The following PIK3CG variants were observed in gnomAD, a reference collection of about 807,000 sequenced individuals.
PIK3CG encodes the protein phosphatidylinositol-4,5-bisphosphate 3-kinase catalytic subunit gamma, also known as phosphatidylinositol 4,5-bisphosphate 3-kinase catalytic subunit gamma isoform.
A neutral mutation model predicts 102.3 loss-of-function variants in PIK3CG; 55 were observed. The observed-to-expected ratio is 0.54, with a 90% CI of 0.43 to 0.67. The LOEUF (loss-of-function observed/expected upper bound fraction) is 0.67. Among genes scored for constraint, PIK3CG ranks in the 30% least tolerant of loss-of-function variants. The pLI is 0.00. For missense variants in PIK3CG, 1,258 were observed against 1,391.8 expected, an observed-to-expected ratio of 0.90 and a Z score of 1.53; for synonymous variants, 552 against 540.0, an observed-to-expected ratio of 1.02 and a Z score of -0.31.
chr7:106,896,406 C>CT (rs1791409541), intron 10 of PIK3CG, among the ~76,000 whole-genome samples: 1 of 152,180 alleles, frequency 6.6e-6, no homozygotes, highest in Non-Finnish European at 1.5e-5. Flanking sequence ...AGAATGTACT[C>CT]TAATTCAAAA....
Position 106,884,653 on chromosome 7 carries a change from G to C in PIK3CG, c.2872+387G>C, listed in dbSNP as rs904406862. Among the ~76,000 whole-genome samples, 1 of 152,176 alleles carries C rather than the reference G, an allele frequency of 6.6e-6. No homozygotes were observed. Among genetic ancestry groups the C allele is most frequent in the Non-Finnish European group, 1.5e-5 (1 of 68,034 alleles). ...ACACCTTTTCCACGGACAGGGGTGG[G>C]GGAGCAAGGATGGTTTCAGGATCAT... On this transcript the variant is annotated intron_variant, in intron 9 of 10. Coordinates refer to ENST00000496166, the MANE Select transcript of PIK3CG (RefSeq NM_001282426.2). The surrounding 1 kb of genome is among the most constrained non-coding windows in gnomAD (Gnocchi z 4.2).
chr7:106,904,837 T>G (rs1791647182), intron 10 of PIK3CG, among the ~76,000 whole-genome samples: 1 of 152,158 alleles, frequency 6.6e-6, no homozygotes, highest in Non-Finnish European at 1.5e-5. Context: ...GGAAAGAAAC[T>G]GAATTAAAAA....
chr7:106,894,590 C>A lies in PIK3CG; in HGVS notation c.3030+8298C>A, dbSNP rs912408339. Among the ~76,000 whole-genome samples, 6 of 152,106 alleles carry A rather than the reference C, an allele frequency of 3.9e-5. No individual in the cohort carries two copies. The highest frequency in any genetic ancestry group is 7.2e-5 in the African/African-American group (3 of 41,424). On this transcript the variant is annotated intron_variant, in intron 10 of 10. Coordinates refer to ENST00000496166, the MANE Select transcript of PIK3CG (RefSeq NM_001282426.2). This position sits in a 1 kb window ranked among gnomAD's most constrained non-coding sequence, Gnocchi z 4.4. ...AAAATAATTCCTAAAGACTGGCTAG[C>A]CAATGCATTGATTTTTATTAAAAAA...
intron 10 of PIK3CG, among the ~76,000 whole-genome samples, chr7:106,896,245 G>T (rs1791404762): frequency 6.6e-6 from 1 of 152,300 alleles, no homozygotes; most frequent in Admixed American, 6.5e-5. Flanking sequence ...CTGAGCACCA[G>T]TGGATTGGTG....
At position 106,872,503 on chromosome 7, in the gene PIK3CG, C is replaced by G. The variant is rs2116481090; in HGVS notation, c.1996-34C>G. 6.5e-7 allele frequency: 1 copy of G among 1,541,376 alleles called. No homozygotes were observed. Among genetic ancestry groups the G allele is most frequent in the Non-Finnish European group, 9.0e-7 (1 of 1,113,488 alleles). On this transcript the variant is annotated intron_variant, in intron 2 of 10. Coordinates refer to ENST00000496166, the MANE Select transcript of PIK3CG (RefSeq NM_001282426.2). This position sits in a 1 kb window ranked among gnomAD's most constrained non-coding sequence, Gnocchi z 5.3. ...TTCCCTGATTCAACGACATAGAGTA[C>G]AGTCCTACAAATGCCAATGTGTTCT...
At position 106,872,065 on chromosome 7, in the gene PIK3CG, G is replaced by C. The variant is rs528549059; in HGVS notation, c.1996-472G>C. ...GAGATGCCGAAAAGGGAAGCTATAG[G>C]GCTTTTAGGATCTTTCCATCTAACA... On this transcript the variant is annotated intron_variant, in intron 2 of 10. Transcript: ENST00000496166. The surrounding 1 kb of genome is among the most constrained non-coding windows in gnomAD (Gnocchi z 5.3). Among the ~76,000 whole-genome samples, 2 of 152,210 alleles carry C rather than the reference G, an allele frequency of 1.3e-5. No homozygotes were observed. The highest frequency in any genetic ancestry group is 4.8e-5 in the African/African-American group (2 of 41,504).
chr7:106,865,945 T>A (rs1790265512), intron 1 of PIK3CG, among the ~76,000 whole-genome samples: 1 of 152,246 alleles, frequency 6.6e-6, no homozygotes, highest in Admixed American at 6.5e-5. Context: ...TTAGTTATTC[T>A]ATAATGTAGC....
chr7:106,906,387 G>GA lies in PIK3CG; in HGVS notation c.*1004dup, dbSNP rs1371576747. 4.4e-6 allele frequency: 1 copy of GA among 229,284 alleles called. No individual in the cohort carries two copies. The highest frequency in any genetic ancestry group is 8.6e-6 in the Non-Finnish European group (1 of 115,894). 14.2% of individuals were successfully genotyped at this position (229,284 alleles called of 1,614,324 possible). A position where few individuals can be genotyped will look rare whatever the true frequency, so the allele number is the denominator to read the frequency against. ...GTATCTTATTAAAGGAGGCATTCTA[G>GA]AAAATATGAATTAGTTTCCAAATGC... On this transcript the variant is annotated 3_prime_UTR_variant, in exon 11 of 11. Transcript: ENST00000496166.
rs763784435 is a variant in PIK3CG at position 106,867,796 on chromosome 7, C to G, written c.235C>G (p.Leu79Val). ...QMKAQVWLRA[L>V]ETSVAADFYH... ...GAAGGCCCAGGTGTGGCTGCGAGCG[C>G]TGGAGACCAGCGTGGCGGCGGACTT... The change falls in exon 2 of 11, where the codon CTG (leucine) becomes GTG (valine). Residue 79 changes from leucine to valine, a missense_variant. Physicochemically the swap from Leu to Val is conservative, Grantham distance 32 (BLOSUM62 1). Around this residue, in one of 2 missense-constraint regions of PIK3CG, gnomAD observed 832 missense variants for 787.5 expected, o/e 1.06. Coordinates refer to ENST00000496166, the MANE Select transcript of PIK3CG (RefSeq NM_001282426.2). The surrounding 1 kb of genome is among the most constrained non-coding windows in gnomAD (Gnocchi z 5.1). 6.2e-7 allele frequency: 1 copy of G among 1,612,698 alleles called. No individual in the cohort carries two copies. The highest frequency in any genetic ancestry group is 8.5e-7 in the Non-Finnish European group (1 of 1,179,938).
At position 106,906,802 on chromosome 7, in the gene PIK3CG, GTTTGAC is replaced by G. The variant is rs1194715991; in HGVS notation, c.*1421_*1426del. On this transcript the variant is annotated 3_prime_UTR_variant, in exon 11 of 11. Transcript: ENST00000496166. ...TTTTTAATTTTAAAAATAGATACCT[GTTTGAC>G]TTTGAGGTAGTCCAGACCTTTTCTT... 2.0e-5 allele frequency: 4 copies of G among 198,494 alleles called. No homozygotes were observed. The highest frequency in any genetic ancestry group is 9.9e-5 in the African/African-American group (4 of 40,472). The allele number at this position is 198,494 out of a possible 1,614,324, so 12.3% of individuals were successfully genotyped here.
In PIK3CG at chr7:106,874,871, C is replaced by T. The variant is rs77939967; in HGVS notation, c.2391+68C>T. ...AAGATGTCTAACGTGCTTGCTGGGGCCCAGTACTTAAAAGCTAATGTTTAT... is the reference window on the plus strand; with the variant it reads ...AAGATGTCTAACGTGCTTGCTGGGGTCCAGTACTTAAAAGCTAATGTTTAT... On this transcript the variant is annotated intron_variant, in intron 5 of 10. Transcript: ENST00000496166. This position sits in a 1 kb window ranked among gnomAD's most constrained non-coding sequence, Gnocchi z 4.3. The T allele has an allele frequency of 1.9e-4, 193 of 1,005,106 alleles. No individual in the cohort carries two copies. The African/African-American group carries it at 2.8e-3, about 15-fold the overall frequency. 62.3% of individuals were successfully genotyped at this position (1,005,106 alleles called of 1,614,324 possible). A position where few individuals can be genotyped will look rare whatever the true frequency, so the allele number is the denominator to read the frequency against.
Position 106,905,627 on chromosome 7 carries a change from A to T in PIK3CG, c.*240A>T, listed in dbSNP as rs1791666513. On this transcript the variant is annotated 3_prime_UTR_variant, in exon 11 of 11. Transcript: ENST00000496166. The surrounding 1 kb of genome is among the most constrained non-coding windows in gnomAD (Gnocchi z 5.6). ...TGGTTTTTTCTCATTTGTCTGTGGC[A>T]TTGGAGAATATTCTCGGTTTAAACA... 1.4e-5 allele frequency: 7 copies of T among 515,542 alleles called. No individual in the cohort carries two copies. 31.9% of individuals were successfully genotyped at this position (515,542 alleles called of 1,614,324 possible).
intron 9 of PIK3CG, among the ~76,000 whole-genome samples, 154 bp from the exon 10 acceptor site, chr7:106,885,981 C>T (rs1462193884): frequency 6.6e-6 from 1 of 152,202 alleles, no homozygotes; most frequent in African/African-American, 2.4e-5. Flanking sequence ...ACGACTTTCA[C>T]ACACCTGCTA....
rs1790405026 is a variant in PIK3CG, at chr7:106,868,516, A to G, written c.955A>G (p.Arg319Gly). Residue 319 changes from arginine to glycine, a missense_variant, in exon 2 of 11, where the codon AGG becomes GGG. By Grantham distance (125) the Arg-to-Gly change is moderately radical (BLOSUM62 -2). Coordinates refer to ENST00000496166, the MANE Select transcript of PIK3CG (RefSeq NM_001282426.2). The surrounding 1 kb of genome is among the most constrained non-coding windows in gnomAD (Gnocchi z 6.2). ...TPPDPALDEV[R>G]KEEWPLVDDC... ...TCCAGACCCGGCCCTAGACGAGGTG[A>G]GGAAGGAAGAGTGGCCACTGGTGGA... 1 of 1,614,146 alleles carries G rather than the reference A, an allele frequency of 6.2e-7. No homozygotes were observed. Among genetic ancestry groups the G allele is most frequent in the Non-Finnish European group, 8.5e-7 (1 of 1,180,024 alleles).
At chr7:106,876,897 T>G (rs1790765347) in intron 5 of PIK3CG, among the ~76,000 whole-genome samples, 1 of 152,180 alleles carries the variant, frequency 6.6e-6, no homozygotes, top group Non-Finnish European at 1.5e-5. Flanking sequence ...TTTAGTGTCT[T>G]ATCTAAGAAA....
chr7:106,882,252 G>C (rs1222704430), intron 7 of PIK3CG, 45 bp downstream of exon 7: 1 of 891,844 alleles, frequency 1.1e-6, no homozygotes, highest in Non-Finnish European at 1.7e-6. Flanking sequence ...CAGCTCGTTT[G>C]AAAAGATTAT....
rs1017483399 is a variant in PIK3CG, at chr7:106,893,082, C to T, written c.3030+6790C>T. Among the ~76,000 whole-genome samples the T allele has an allele frequency of 2.0e-5, 3 of 151,952 alleles. No homozygotes were observed. The highest frequency in any genetic ancestry group is 2.9e-5 in the Non-Finnish European group (2 of 68,018). On this transcript the variant is annotated intron_variant, in intron 10 of 10. Transcript: ENST00000496166. The surrounding 1 kb of genome is among the most constrained non-coding windows in gnomAD (Gnocchi z 4.4). ...GCAAAGAAGTCATTTGGAGCTCATT[C>T]GATTAATCACAAATAACCATAATTA...
Position 106,892,324 on chromosome 7 carries a change from T to C in PIK3CG, c.3030+6032T>C, listed in dbSNP as rs140742663. ...CTCAGCCTCCTGCTCTAGCCTGTTATAGTTACCAGGCCTTATTCACCATAT... is the reference window on the plus strand; with the variant it reads ...CTCAGCCTCCTGCTCTAGCCTGTTACAGTTACCAGGCCTTATTCACCATAT... On this transcript the variant is annotated intron_variant, in intron 10 of 10. Coordinates refer to ENST00000496166, the MANE Select transcript of PIK3CG (RefSeq NM_001282426.2). The surrounding 1 kb of genome is among the most constrained non-coding windows in gnomAD (Gnocchi z 5.2). Among the ~76,000 whole-genome samples the C allele has an allele frequency of 2.0e-5, 3 of 152,336 alleles. No homozygotes were observed. The highest frequency in any genetic ancestry group is 2.9e-5 in the Non-Finnish European group (2 of 68,018).
rs1458510592 is a variant in PIK3CG, at chr7:106,883,169, C to T, written c.2760+6C>T. 2.5e-6 allele frequency: 4 copies of T among 1,613,852 alleles called. No individual in the cohort carries two copies. Among genetic ancestry groups the T allele is most frequent in the African/African-American group, 2.7e-5 (2 of 74,914 alleles). On this transcript the variant is annotated splice_donor_region_variant and intron_variant, in intron 8 of 10. Transcript: ENST00000496166. The surrounding 1 kb of genome is among the most constrained non-coding windows in gnomAD (Gnocchi z 5.8). ...AATCCCCTACTGAAGAAAAGGTGAG[C>T]TCATGCTTTTTCCCAGTCTAATGGC... is the stretch of plus-strand genomic sequence containing the variant.
Sources: gnomAD v4.1 joint callset for allele counts (sites outside exome capture counted in the v4.1 genomes callset) on GRCh38, gnomAD v4.1.1 for gene constraint, gnomAD v4.1.1 regional missense constraint, Gnocchi (gnomAD v3.1) non-coding constraint, MANE v1.5 for transcripts, NCBI Gene and HGNC (gene_info 2026-07-23, HGNC 2026-07-21) for gene names.